Variants in ERCC6L2 observed in about 807,000 individuals in gnomAD.
ERCC6L2 encodes the protein DNA excision repair protein ERCC-6-like 2.
A neutral mutation model predicts 132.0 loss-of-function variants in ERCC6L2; 77 were observed. The observed-to-expected ratio is 0.58, with a 90% CI of 0.49 to 0.71. ERCC6L2 has a LOEUF of 0.71. Ranked by LOEUF, ERCC6L2 falls within the 30% of genes least tolerant of loss-of-function variation. The pLI is 0.00. For missense variants in ERCC6L2, 1,542 were observed against 1,837.6 expected (o/e 0.84, Z 2.94); for synonymous variants, 583 against 632.4 (o/e 0.92, Z 1.17).
chr9:95,972,679 CA>C lies in ERCC6L2; in HGVS notation c.2929del (p.Ser977ValfsTer18). 1.5e-6 allele frequency: 2 copies of C among 1,299,626 alleles called. No individual in the cohort carries two copies. The highest frequency in any genetic ancestry group is 2.0e-6 in the Non-Finnish European group (2 of 988,886). 80.5% of individuals were successfully genotyped at this position (1,299,626 alleles called of 1,614,324 possible). A position where few individuals can be genotyped will look rare whatever the true frequency, so the allele number is the denominator to read the frequency against. ...AATCTATTTTGAAAAGAAAAGGCAC[CA>C]GTGATATCAGTGATGAATCTGATGA... ...LKSILKRKGT[S>X]DISDESDDIE... On this transcript the variant is annotated frameshift_variant, in exon 16 of 19. Transcript: ENST00000653738. LOFTEE classifies it high-confidence loss of function.
intron 9 of ERCC6L2, among the ~76,000 whole-genome samples, chr9:95,926,639 G>A (rs1830114296): frequency 6.6e-6 from 1 of 152,102 alleles, no homozygotes; most frequent in Non-Finnish European, 1.5e-5. Context: ...GAAAGAATGA[G>A]TAGGTGAAGC....
intron 17 of ERCC6L2, among the ~76,000 whole-genome samples, chr9:95,996,643 T>G (rs1391455059): frequency 6.6e-6 from 1 of 152,226 alleles, no homozygotes; most frequent in Non-Finnish European, 1.5e-5. Flanking sequence ...CCTAGGGCCC[T>G]TAAGGATTAT....
chr9:96,036,323 C>G (rs1371902503), intron 19 of ERCC6L2, among the ~76,000 whole-genome samples: 1 of 152,190 alleles, frequency 6.6e-6, no homozygotes. Context: ...GCCTGTTACA[C>G]TTAGCATAAT....
rs1248968439 is a variant in ERCC6L2 at position 95,875,850 on chromosome 9, C to A, written c.-189C>A. On this transcript the variant is annotated 5_prime_UTR_variant, in exon 1 of 19. Transcript: ENST00000653738. Reference sequence around the variant, plus strand: ...CGTCGCCCTCCCGTTCTGCTTGGGTCCCCTTAGTCGCTACCTTTGCTGGGA... The same window carrying A: ...CGTCGCCCTCCCGTTCTGCTTGGGTACCCTTAGTCGCTACCTTTGCTGGGA... 2 of 603,070 alleles carry A rather than the reference C, an allele frequency of 3.3e-6. No homozygotes were observed. The highest frequency in any genetic ancestry group is 5.9e-6 in the Non-Finnish European group (2 of 339,278). The allele number at this position is 603,070 out of a possible 1,614,324, so 37.4% of individuals were successfully genotyped here. A position where few individuals can be genotyped will look rare whatever the true frequency, so the allele number is the denominator to read the frequency against.
chr9:95,930,536 T>C (rs1830289266), intron 11 of ERCC6L2, among the ~76,000 whole-genome samples: 2 of 152,224 alleles, frequency 1.3e-5, no homozygotes, highest in South Asian at 4.1e-4. Flanking sequence ...TTTTAGTTTA[T>C]CAACTTTACA....
chr9:95,961,778 A>G (rs1396310129), intron 13 of ERCC6L2, among the ~76,000 whole-genome samples: 1 of 152,172 alleles, frequency 6.6e-6, no homozygotes, highest in Non-Finnish European at 1.5e-5. Flanking sequence ...GTTATAAAGA[A>G]GAGGTTTAAT....
intron 19 of ERCC6L2, among the ~76,000 whole-genome samples, chr9:96,033,391 C>T (rs560180928): frequency 5.9e-5 from 9 of 152,166 alleles, no homozygotes; most frequent in South Asian, 4.1e-4. Context: ...ATGACAGGCA[C>T]GCGCCACCAT....
At chr9:95,986,497 CTT>C (rs57381408) in intron 17 of ERCC6L2, among the ~76,000 whole-genome samples, 190 of 116,170 alleles carry the variant, frequency 1.6e-3, no homozygotes, top group Middle Eastern at 9.5e-3. Context: ...TATCTCTCTC[CTT>C]TTTTTTTTTT....
At chr9:95,903,612 T>G (rs984624813) in intron 3 of ERCC6L2, among the ~76,000 whole-genome samples, 37 of 146,172 alleles carry the variant, frequency 2.5e-4, no homozygotes, top group Non-Finnish European at 1.7e-4. Context: ...ATGCCAAACT[T>G]TAATACTTCA....
intron 7 of ERCC6L2, 66 bp from the exon 8 acceptor site, chr9:95,922,239 T>A: frequency 1.4e-6 from 1 of 730,382 alleles, no homozygotes; most frequent in Non-Finnish European, 2.3e-6. Context: ...AGTGATACAT[T>A]TTATGATGTA....
At chr9:96,025,685 T>C (rs1485903256) in intron 19 of ERCC6L2, 2 of 152,218 alleles carry the variant, frequency 1.3e-5, no homozygotes, top group African/African-American at 4.8e-5. Flanking sequence ...GCAGTATTAA[T>C]CATTGTTGAA....
intron 17 of ERCC6L2, among the ~76,000 whole-genome samples, chr9:95,991,323 C>T (rs690455): frequency 0.64 from 97,210 of 151,948 alleles, 31,707 homozygotes; most frequent in African/African-American, 0.76. Flanking sequence ...CTTTCTGTTA[C>T]GAATATCTTT....
intron 11 of ERCC6L2, among the ~76,000 whole-genome samples, chr9:95,935,383 T>G (rs527264744): frequency 6.6e-6 from 1 of 152,256 alleles, no homozygotes; most frequent in African/African-American, 2.4e-5. Context: ...TATGACTACA[T>G]AGGAGAACTC....
intron 4 of ERCC6L2, among the ~76,000 whole-genome samples, chr9:95,909,292 T>A (rs909679386): frequency 2.0e-5 from 3 of 152,168 alleles, no homozygotes; most frequent in African/African-American, 7.2e-5. Context: ...ATGTAAAAAC[T>A]ATTCTTAGCT....
chr9:95,979,975 C>T (rs768648362), intron 17 of ERCC6L2, among the ~76,000 whole-genome samples: 2 of 151,892 alleles, frequency 1.3e-5, no homozygotes, highest in South Asian at 2.1e-4. Context: ...TTTGGCAAAC[C>T]GCTGTAGTGG....
At chr9:96,028,046 C>A (rs960824941) in intron 19 of ERCC6L2, 1 of 152,268 alleles carries the variant, frequency 6.6e-6, no homozygotes, top group African/African-American at 2.4e-5. Flanking sequence ...CCCACCCATA[C>A]CACCCAGCCC....
rs554823829 is a variant in ERCC6L2 at position 95,984,641 on chromosome 9, ATCTC to A, written c.3492+6430_3492+6433del. 2.9e-3 allele frequency among the ~76,000 whole-genome samples: 438 copies of A among 152,280 alleles called. 3 individuals carry two copies. Among genetic ancestry groups the A allele is most frequent in the African/African-American group, 0.01 (427 of 41,560 alleles). On this transcript the variant is annotated intron_variant, in intron 17 of 18. Coordinates refer to ENST00000653738, the MANE Select transcript of ERCC6L2 (RefSeq NM_020207.7). ...AATTTTTTATTATGATTATATACAT[ATCTC>A]TCTTTTCTAATAAACTCTGAACTTT...
chr9:95,956,827 A>G (rs756220509), intron 13 of ERCC6L2, among the ~76,000 whole-genome samples: 2 of 152,162 alleles, frequency 1.3e-5, no homozygotes, highest in African/African-American at 2.4e-5. Context: ...TCAAGATAAA[A>G]TTCGGGTAGG....
intron 17 of ERCC6L2, among the ~76,000 whole-genome samples, chr9:95,990,302 A>T (rs1833249333): frequency 6.6e-6 from 1 of 152,236 alleles, no homozygotes; most frequent in African/African-American, 2.4e-5. Flanking sequence ...ACTCTTGATT[A>T]TCATGGTCAA....
Sources: allele counts gnomAD v4.1 joint callset (sites outside exome capture counted in the v4.1 genomes callset), GRCh38; gene constraint gnomAD v4.1.1; transcripts MANE v1.5; gene names NCBI Gene and HGNC (gene_info 2026-07-23, HGNC 2026-07-21).